The following SKAP2 variants were observed in gnomAD, a reference collection of about 807,000 sequenced individuals.
SKAP2 encodes src kinase-associated phosphoprotein 2.
A neutral mutation model predicts 54.9 loss-of-function variants in SKAP2; 28 were observed. That is an observed-to-expected ratio of 0.51 (90% CI 0.38 to 0.70). SKAP2 has a LOEUF of 0.70. Ranked by LOEUF, SKAP2 falls within the 30% of genes least tolerant of loss-of-function variation. The probability of loss-of-function intolerance (pLI) is 0.00; values close to 1 mark genes in which losing one functional copy is unlikely to be tolerated. For missense variants in SKAP2, 356 were observed against 424.1 expected (o/e 0.84, Z 1.41); for synonymous variants, 137 against 134.3 (o/e 1.02, Z -0.14).
At chr7:26,741,778 G>A (rs933860514) in intron 4 of SKAP2, among the ~76,000 whole-genome samples, 1 of 151,016 alleles carries the variant, frequency 6.6e-6, no homozygotes, top group African/African-American at 2.4e-5. Context: ...GAATGGGTTT[G>A]ATAGGAAGTT....
intron 4 of SKAP2, among the ~76,000 whole-genome samples, chr7:26,787,325 T>G (rs1354202258): frequency 1.3e-5 from 2 of 152,066 alleles, no homozygotes; most frequent in Admixed American, 1.3e-4. Context: ...AAGATGGTTT[T>G]TTTTTTTTCC....
intron 4 of SKAP2, among the ~76,000 whole-genome samples, chr7:26,773,290 G>A (rs1157797641): frequency 6.6e-6 from 1 of 152,144 alleles, no homozygotes; most frequent in African/African-American, 2.4e-5. Context: ...AGGATATAAA[G>A]GTGAAAACCT....
intron 1 of SKAP2, among the ~76,000 whole-genome samples, chr7:26,857,006 C>T (rs996967190): frequency 6.0e-5 from 9 of 149,618 alleles, no homozygotes; most frequent in East Asian, 2.0e-4. Context: ...AAACACTCTA[C>T]ATAGTGCCCT....
At chr7:26,685,393 C>T (rs962727592) in intron 10 of SKAP2, among the ~76,000 whole-genome samples, 5 of 152,002 alleles carry the variant, frequency 3.3e-5, no homozygotes, top group African/African-American at 1.2e-4. Context: ...AAGACAACAA[C>T]GTGGAAACGG....
chr7:26,754,112 C>A (rs1265602489), intron 4 of SKAP2, among the ~76,000 whole-genome samples: 1 of 152,008 alleles, frequency 6.6e-6, no homozygotes, highest in African/African-American at 2.4e-5. Context: ...GTCTGTCATT[C>A]CAGCACTTTG....
chr7:26,846,939 G>A (rs1784934760), intron 3 of SKAP2, among the ~76,000 whole-genome samples: 1 of 152,184 alleles, frequency 6.6e-6, no homozygotes, highest in Non-Finnish European at 1.5e-5. Flanking sequence ...TGCCACTGCA[G>A]TGGGCCAAGA....
rs1302692883 is a variant in SKAP2, at chr7:26,669,053, G to GAC, written c.*611_*612dup. On this transcript the variant is annotated 3_prime_UTR_variant, in exon 13 of 13. Transcript: ENST00000345317. ...TCTGGTACGCACTTCTGTTGCAGGT[G>GAC]ACAGCACACTGCCATTTGCAACTTC... is the stretch of plus-strand genomic sequence containing the variant. 2.0e-5 allele frequency: 3 copies of GAC among 152,136 alleles called. No homozygotes were observed. Among genetic ancestry groups the GAC allele is most frequent in the African/African-American group, 7.2e-5 (3 of 41,418 alleles). 9.4% of individuals were successfully genotyped at this position (152,136 alleles called of 1,614,324 possible).
chr7:26,705,758 C>A lies in SKAP2; in HGVS notation c.797-15396G>T, dbSNP rs1787142899. ...TGGCTCCCAGATGCTTCTTGCCAAC[C>A]CACAGTGGATTCAACAATGTTTAAA... On this transcript the variant is annotated intron_variant, in intron 9 of 12. Coordinates refer to ENST00000345317, the MANE Select transcript of SKAP2 (RefSeq NM_003930.5). Among the ~76,000 whole-genome samples, 3 of 152,168 alleles carry A rather than the reference C, an allele frequency of 2.0e-5. No homozygotes were observed. In the South Asian group the frequency reaches 6.2e-4, roughly 32 times the overall value.
intron 9 of SKAP2, among the ~76,000 whole-genome samples, chr7:26,703,769 T>C (rs1787099210): frequency 1.3e-5 from 2 of 152,236 alleles, no homozygotes; most frequent in African/African-American, 4.8e-5. Context: ...CTAGGTACTA[T>C]ATACATAAAT....
chr7:26,837,864 C>T (rs1382108741), intron 4 of SKAP2, among the ~76,000 whole-genome samples: 1 of 152,144 alleles, frequency 6.6e-6, no homozygotes, highest in African/African-American at 2.4e-5. Context: ...AGCAGCAGAG[C>T]AGTATGCTAG....
chr7:26,725,459 T>G lies in SKAP2; in HGVS notation c.765A>C (p.Pro255=). The part of the protein sequence containing the change: ...PISNPLTSSQ[P]IDDEIYEELP... ...GTTCTTCATAAATTTCATCATCTAT[T>G]GGTTGACTGCTTGTTAGTGGATTGC... is the stretch of plus-strand genomic sequence containing the variant. Residue 255 remains proline, a synonymous_variant, in exon 9 of 13, where the codon CCA becomes CCC. Transcript: ENST00000345317. The G allele has an allele frequency of 6.2e-7, 1 of 1,611,654 alleles. No homozygotes were observed. Among genetic ancestry groups the G allele is most frequent in the South Asian group, 1.1e-5 (1 of 90,722 alleles).
chr7:26,828,457 C>T (rs554313185), intron 4 of SKAP2, among the ~76,000 whole-genome samples: 107 of 151,790 alleles, frequency 7.0e-4, no homozygotes, highest in African/African-American at 2.6e-3. Flanking sequence ...GCAGGCAGAT[C>T]ACCAGGTCAG....
intron 6 of SKAP2, among the ~76,000 whole-genome samples, chr7:26,729,577 T>C (rs1210677308): frequency 6.6e-6 from 1 of 152,014 alleles, no homozygotes; most frequent in East Asian, 1.9e-4. Context: ...ATATGCTGTA[T>C]AAGGAAGTGG....
At chr7:26,779,588 T>C (rs1440028817) in intron 4 of SKAP2, among the ~76,000 whole-genome samples, 1 of 152,006 alleles carries the variant, frequency 6.6e-6, no homozygotes, top group Non-Finnish European at 1.5e-5. Flanking sequence ...TTCTATAAAA[T>C]ATACTGTTTA....
rs551820599 is a variant in SKAP2 at position 26,690,163 on chromosome 7, CCAAGCCAAA to C, written c.874+113_874+121del. ...AAGCAGCTTATCAGCCATAAGATAT[CCAAGCCAAA>C]AATGCCAACTTTGGGGAGCTGTGTA... On this transcript the variant is annotated intron_variant, in intron 10 of 12. Coordinates refer to ENST00000345317, the MANE Select transcript of SKAP2 (RefSeq NM_003930.5). 472 of 687,000 alleles carry C rather than the reference CCAAGCCAAA, an allele frequency of 6.9e-4. 3 individuals carry two copies. The African/African-American group carries it at 7.5e-3, about 11-fold the overall frequency. 42.6% of individuals were successfully genotyped at this position (687,000 alleles called of 1,614,324 possible). A position where few individuals can be genotyped will look rare whatever the true frequency, so the allele number is the denominator to read the frequency against.
At chr7:26,743,134 A>G (rs1782491458) in intron 4 of SKAP2, among the ~76,000 whole-genome samples, 1 of 152,170 alleles carries the variant, frequency 6.6e-6, no homozygotes, top group Admixed American at 6.6e-5. Flanking sequence ...TGGAACAGTC[A>G]ATTATACAAC....
At chr7:26,861,282 C>A (rs1785266479) in intron 1 of SKAP2, among the ~76,000 whole-genome samples, 1 of 151,684 alleles carries the variant, frequency 6.6e-6, no homozygotes. Context: ...TAGTCCTAGT[C>A]AAAATATTTG....
intron 6 of SKAP2, among the ~76,000 whole-genome samples, chr7:26,736,980 G>A (rs1787957192): frequency 6.6e-6 from 1 of 151,902 alleles, no homozygotes. Context: ...ATTAGTGTTT[G>A]AAGTAAATAT....
intron 4 of SKAP2, among the ~76,000 whole-genome samples, chr7:26,800,130 A>C (rs535480188): frequency 2.0e-5 from 3 of 152,268 alleles, no homozygotes; most frequent in South Asian, 4.1e-4. Context: ...TCTCAAAAAA[A>C]TAAATAAAAT....
Sources: allele counts gnomAD v4.1 joint callset (sites outside exome capture counted in the v4.1 genomes callset), GRCh38; gene constraint gnomAD v4.1.1; transcripts MANE v1.5; gene names NCBI Gene and HGNC (gene_info 2026-07-23, HGNC 2026-07-21).